The following FHDC1 variants were observed in gnomAD, a reference collection of about 807,000 sequenced individuals.
The protein encoded by FHDC1 is FH2 domain containing 1.
A neutral mutation model predicts 52.6 loss-of-function variants in FHDC1; 25 were observed. That is an observed-to-expected ratio of 0.48 (90% confidence interval 0.35 to 0.66). FHDC1 has a LOEUF of 0.66. Among genes scored for constraint, FHDC1 ranks in the 30% least tolerant of loss-of-function variants. The pLI is 0.01. For missense variants in FHDC1, 1,459 were observed against 1,452.8 expected, an observed-to-expected ratio of 1.00 and a Z score of -0.07; for synonymous variants, 616 against 581.5, an observed-to-expected ratio of 1.06 and a Z score of -0.85.
At chr4:152,927,326 C>A in the FHDC1 span, 1 of 674,254 alleles carries the variant, frequency 1.5e-6, no homozygotes, top group East Asian at 2.5e-5. Context: ...GTCAGGGGAA[C>A]CTCCACTCAG....
At chr4:152,949,090 G>GTAATAATAATAATAATAA (rs368429472) in intron 2 of FHDC1, among the ~76,000 whole-genome samples, 1 of 117,542 alleles carries the variant, frequency 8.5e-6, no homozygotes, top group Admixed American at 9.0e-5. Context: ...CCTTGTCTCA[G>GTAATAATAATAATAATAA]TAATAATAAT....
chr4:152,964,648 G>T (rs1011329632), intron 8 of FHDC1, among the ~76,000 whole-genome samples: 1 of 152,220 alleles, frequency 6.6e-6, no homozygotes, highest in African/African-American at 2.4e-5. Context: ...AAGGGGCCCT[G>T]CTGAGCTGCA....
intron 4 of FHDC1, among the ~76,000 whole-genome samples, chr4:152,954,572 A>G (rs1469037449): frequency 6.6e-6 from 1 of 152,162 alleles, no homozygotes; most frequent in Non-Finnish European, 1.5e-5. Context: ...CTGTAATCCC[A>G]GCTACTCAGG....
At chr4:152,940,534 A>C (rs534028116) in intron 1 of FHDC1, among the ~76,000 whole-genome samples, 3 of 152,358 alleles carry the variant, frequency 2.0e-5, no homozygotes, top group African/African-American at 7.2e-5. Context: ...GTGAGGTTGC[A>C]TAACCTTGGA....
chr4:152,933,623 C>A, upstream of FHDC1, among the ~76,000 whole-genome samples: 1 of 148,426 alleles, frequency 6.7e-6, no homozygotes, highest in Non-Finnish European at 1.5e-5. Flanking sequence ...ATCCCAGCTA[C>A]TTGGGAGGCT....
At chr4:152,931,455 AACACACACACACACACACACAC>A (rs56142204), upstream of FHDC1, among the ~76,000 whole-genome samples, 147 of 127,280 alleles carry the variant, frequency 1.2e-3, no homozygotes, top group African/African-American at 3.5e-3. Context: ...CAGCCTCTAA[AACACACACACACACACACACAC>A]ACACACACAC....
the FHDC1 span, among the ~76,000 whole-genome samples, chr4:152,913,718 G>A: frequency 1.3e-5 from 2 of 152,004 alleles, no homozygotes; most frequent in South Asian, 4.2e-4. Context: ...TTCACTCGTT[G>A]CCCAGGCTGC....
intron 10 of FHDC1, among the ~76,000 whole-genome samples, chr4:152,968,314 GT>G (rs1293213845): frequency 6.7e-6 from 1 of 148,764 alleles, no homozygotes; most frequent in African/African-American, 2.5e-5. Flanking sequence ...TTGTCTCTTC[GT>G]TTGTTTGACT....
intron 1 of FHDC1, among the ~76,000 whole-genome samples, chr4:152,937,764 A>T (rs565704232): frequency 1.3e-5 from 2 of 152,086 alleles, no homozygotes; most frequent in South Asian, 4.1e-4. Context: ...GGCGCTGATA[A>T]GGACGCAGCT....
At chr4:152,917,517 C>G in the FHDC1 span, among the ~76,000 whole-genome samples, 1 of 152,018 alleles carries the variant, frequency 6.6e-6, no homozygotes, top group African/African-American at 2.4e-5. Flanking sequence ...TTTTCCAATT[C>G]CCCACCCCAT....
chr4:152,927,617 C>A, the FHDC1 span: 2 of 1,605,758 alleles, frequency 1.2e-6, no homozygotes, highest in Admixed American at 1.7e-5. Flanking sequence ...ATATGAAAGG[C>A]TACAGGAACA....
At chr4:152,949,091 T>TAATAATAAC (rs1388277813) in intron 2 of FHDC1, among the ~76,000 whole-genome samples, 4 of 89,758 alleles carry the variant, frequency 4.5e-5, no homozygotes, top group Non-Finnish European at 6.9e-5. Flanking sequence ...CTTGTCTCAG[T>TAATAATAAC]AATAATAATA....
At chr4:152,958,045 C>T (rs1410983787) in intron 4 of FHDC1, among the ~76,000 whole-genome samples, 14 of 152,162 alleles carry the variant, frequency 9.2e-5, no homozygotes, top group Admixed American at 9.2e-4. Context: ...TCTTTCCCAC[C>T]TTCTTGGTTG....
chr4:152,938,190 C>CTTT (rs72024131), intron 1 of FHDC1, among the ~76,000 whole-genome samples: 5,464 of 136,166 alleles, frequency 0.04, 144 homozygotes, highest in South Asian at 0.12. Flanking sequence ...CACGCATGTG[C>CTTT]TTTTTTTTTT....
At position 152,943,219 on chromosome 4, in the gene FHDC1, T is replaced by C. The variant is rs1739626084; in HGVS notation, c.162T>C (p.Cys54=). The stretch of plus-strand genomic sequence containing the variant: ...CATGTTCATGTTCAAGGGAAGAGTG[T>C]CCTTCCTCCCCTCCTCCACCCCCAC... ...SPPCSCSREE[C]PSSPPPPPPP... is the part of the protein sequence containing the mutation. The change falls in exon 2 of 12, where the codon TGT becomes TGC. Residue 54 remains cysteine, a synonymous_variant. Coordinates refer to ENST00000511601, the MANE Select transcript of FHDC1 (RefSeq NM_001371116.1). 8 of 1,609,566 alleles carry C rather than the reference T, an allele frequency of 5.0e-6. No individual in the cohort carries two copies. The East Asian group carries it at 6.7e-5, about 13-fold the overall frequency.
chr4:152,953,124 ACT>A (rs1236990938), intron 2 of FHDC1, among the ~76,000 whole-genome samples: 2 of 151,468 alleles, frequency 1.3e-5, no homozygotes, highest in Non-Finnish European at 2.9e-5. Flanking sequence ...ACGGAGCGAG[ACT>A]CTGTCTCCAA....
At chr4:152,954,375 A>G (rs1740018172) in intron 4 of FHDC1, 56 bp downstream of exon 4, 1 of 1,450,152 alleles carries the variant, frequency 6.9e-7, no homozygotes, top group African/African-American at 1.4e-5. Context: ...AAAGCTTAAT[A>G]TTTTTAAGTG....
chr4:152,932,635 G>T (rs1739272360), upstream of FHDC1, among the ~76,000 whole-genome samples: 1 of 152,102 alleles, frequency 6.6e-6, no homozygotes, highest in Admixed American at 6.5e-5. Flanking sequence ...AGATAGCCTA[G>T]AATCTTAATA....
At chr4:152,926,263 T>TACACAC in the FHDC1 span, among the ~76,000 whole-genome samples, 1 of 37,356 alleles carries the variant, frequency 2.7e-5, no homozygotes, top group African/African-American at 7.7e-5. Flanking sequence ...GCCTTTAAAA[T>TACACAC]ACAGACACAC....
Sources: allele counts gnomAD v4.1 joint callset (sites outside exome capture counted in the v4.1 genomes callset), GRCh38; gene constraint gnomAD v4.1.1; transcripts MANE v1.5; gene names NCBI Gene and HGNC (gene_info 2026-07-23, HGNC 2026-07-21).